The following ARHGEF33 variants were observed in gnomAD, a reference collection of about 807,000 sequenced individuals.
ARHGEF33 encodes the protein DH and coiled-coil domain-containing protein ENSP00000381780.
A neutral mutation model predicts 101.9 loss-of-function variants in ARHGEF33; 72 were observed. The ratio of observed to expected loss-of-function variants is 0.71; its 90% CI spans 0.58 to 0.86. The LOEUF is 0.86. Ranked by LOEUF, ARHGEF33 falls within the 40% of genes least tolerant of loss-of-function variation. The pLI is 0.00. For synonymous variants in ARHGEF33, 499 were observed against 442.5 expected (o/e 1.13, Z -1.60); for missense variants, 1,169 against 1,111.3 (o/e 1.05, Z -0.74).
chr2:38,915,140 C>G (rs1027309082), intron 2 of ARHGEF33, among the ~76,000 whole-genome samples: 1 of 152,022 alleles, frequency 6.6e-6, no homozygotes, highest in Non-Finnish European at 1.5e-5. Flanking sequence ...GCATGAGCCA[C>G]TGCACCCAGC....
chr2:38,951,934 G>T (rs1667619434), intron 11 of ARHGEF33, among the ~76,000 whole-genome samples: 1 of 152,152 alleles, frequency 6.6e-6, no homozygotes, highest in Non-Finnish European at 1.5e-5. Flanking sequence ...GCCAGACAGT[G>T]GCATAAATGA....
chr2:38,903,360 T>C (rs1208538541), intron 2 of ARHGEF33, among the ~76,000 whole-genome samples: 1 of 152,062 alleles, frequency 6.6e-6, no homozygotes, highest in Non-Finnish European at 1.5e-5. Context: ...AAAAAATGTA[T>C]AGGAAGAAGT....
rs897528786 is a variant in ARHGEF33, at chr2:38,975,214, G to A, written c.*1371G>A. 1 of 152,154 alleles carries A rather than the reference G, an allele frequency of 6.6e-6. No homozygotes were observed. Among genetic ancestry groups the A allele is most frequent in the African/African-American group, 2.4e-5 (1 of 41,446 alleles). 9.4% of individuals were successfully genotyped at this position (152,154 alleles called of 1,614,324 possible). A position where few individuals can be genotyped will look rare whatever the true frequency, so the allele number is the denominator to read the frequency against. On this transcript the variant is annotated 3_prime_UTR_variant, in exon 18 of 18. Coordinates refer to ENST00000409978, the MANE Select transcript of ARHGEF33 (RefSeq NM_001145451.5). The stretch of plus-strand genomic sequence containing the variant: ...GACAAATTAGGAACTCACCTACTGC[G>A]TTTTGAATAGTAGTTGTCTGGAACA...
intron 2 of ARHGEF33, among the ~76,000 whole-genome samples, chr2:38,901,172 C>G (rs1406795694): frequency 1.3e-5 from 2 of 152,202 alleles, no homozygotes; most frequent in African/African-American, 2.4e-5. Flanking sequence ...ACTTATCTTA[C>G]TTTTTGTGAT....
chr2:38,951,893 G>A (rs1667616209), intron 11 of ARHGEF33, among the ~76,000 whole-genome samples: 3 of 152,236 alleles, frequency 2.0e-5, no homozygotes, highest in Non-Finnish European at 4.4e-5. Context: ...TATGATCCAA[G>A]CCAGAGGCTG....
chr2:38,923,484 T>C (rs4670268), intron 4 of ARHGEF33, among the ~76,000 whole-genome samples: 109,501 of 152,016 alleles, frequency 0.72, 39,623 homozygotes, highest in East Asian at 0.89. Flanking sequence ...TCTTATCCCA[T>C]CTGACATTAT....
intron 9 of ARHGEF33, 84 bp from the exon 10 acceptor site, chr2:38,943,817 C>G (rs409240): frequency 3.0e-6 from 4 of 1,352,428 alleles, no homozygotes; most frequent in African/African-American, 1.5e-5. Flanking sequence ...TTTCAATATC[C>G]TTTTATCACT....
In ARHGEF33 at chr2:38,924,351, C is replaced by T. The variant is rs868213201; in HGVS notation, c.75+2928C>T. Among the ~76,000 whole-genome samples, 10 of 152,260 alleles carry T rather than the reference C, an allele frequency of 6.6e-5. 1 individual carries two copies. The highest frequency in any genetic ancestry group is 3.3e-4 in the Admixed American group (5 of 15,284). On this transcript the variant is annotated intron_variant, in intron 4 of 17. Coordinates refer to ENST00000409978, the MANE Select transcript of ARHGEF33 (RefSeq NM_001145451.5). ...TTATCCTTTGTCCACTGCACATACCCCTCTCAAAGTCGTTGAATCAGAGCT... is the reference window on the plus strand; with the variant it reads ...TTATCCTTTGTCCACTGCACATACCTCTCTCAAAGTCGTTGAATCAGAGCT...
chr2:38,927,822 G>C (rs1339161008), intron 4 of ARHGEF33, among the ~76,000 whole-genome samples: 1 of 152,202 alleles, frequency 6.6e-6, no homozygotes, highest in African/African-American at 2.4e-5. Flanking sequence ...GATCATAAAT[G>C]TCAAGAAAGT....
At chr2:38,922,077 T>A (rs886157050) in intron 4 of ARHGEF33, among the ~76,000 whole-genome samples, 3 of 152,142 alleles carry the variant, frequency 2.0e-5, no homozygotes, top group African/African-American at 7.2e-5. Flanking sequence ...GTCCTCTAAG[T>A]GGTATTTACT....
intron 10 of ARHGEF33, among the ~76,000 whole-genome samples, chr2:38,949,650 G>A (rs1331203090): frequency 6.6e-6 from 1 of 152,226 alleles, no homozygotes; most frequent in Non-Finnish European, 1.5e-5. Flanking sequence ...TAGCAAGCCA[G>A]GCCTGGTCAG....
chr2:38,933,968 T>C (rs944562515), intron 7 of ARHGEF33, among the ~76,000 whole-genome samples: 9 of 152,234 alleles, frequency 5.9e-5, no homozygotes, highest in African/African-American at 2.2e-4. Flanking sequence ...GGCCCAAGTA[T>C]ACCTTACCTT....
At chr2:38,890,726 A>G (rs935490347) in intron 1 of ARHGEF33, among the ~76,000 whole-genome samples, 2 of 152,228 alleles carry the variant, frequency 1.3e-5, no homozygotes, top group Non-Finnish European at 2.9e-5. Flanking sequence ...GCCCCTTTTA[A>G]TACAAAATCA....
intron 1 of ARHGEF33, among the ~76,000 whole-genome samples, chr2:38,891,730 C>T (rs550951240): frequency 3.4e-5 from 5 of 148,866 alleles, no homozygotes; most frequent in Non-Finnish European, 5.9e-5. Flanking sequence ...TCCCCACCCG[C>T]CCCCCACACA....
At chr2:38,923,538 T>C (rs1354700681) in intron 4 of ARHGEF33, among the ~76,000 whole-genome samples, 5 of 152,234 alleles carry the variant, frequency 3.3e-5, no homozygotes, top group Non-Finnish European at 7.3e-5. Flanking sequence ...TGTCTCCTCA[T>C]CTAGAATGTA....
At chr2:38,936,846 C>G (rs1178098841) in intron 8 of ARHGEF33, 7 of 151,232 alleles carry the variant, frequency 4.6e-5, no homozygotes, top group Non-Finnish European at 1.0e-4. Flanking sequence ...CGTGGTGGCA[C>G]ACACCTGTAA....
At chr2:38,969,453 T>C (rs1363801712) in intron 17 of ARHGEF33, 1 of 169,252 alleles carries the variant, frequency 5.9e-6, no homozygotes, top group African/African-American at 2.4e-5. Context: ...TGCTTCGGGA[T>C]GAAGCTAGGC....
chr2:38,959,636 T>G, intron 15 of ARHGEF33: 1 of 543,358 alleles, frequency 1.8e-6, no homozygotes, highest in Non-Finnish European at 3.2e-6. Flanking sequence ...GACAATACCT[T>G]CGGGCCTCCG....
At chr2:38,942,468 C>CTT (rs58695451) in intron 9 of ARHGEF33, among the ~76,000 whole-genome samples, 64,083 of 132,646 alleles carry the variant, frequency 0.48, 17,925 homozygotes, top group East Asian at 0.66. Flanking sequence ...CCCCTCTTAT[C>CTT]TTTTTTTTTT....
Sources: gnomAD v4.1 joint callset for allele counts (sites outside exome capture counted in the v4.1 genomes callset) on GRCh38, gnomAD v4.1.1 for gene constraint, MANE v1.5 for transcripts, NCBI Gene and HGNC (gene_info 2026-07-23, HGNC 2026-07-21) for gene names.